SLC22A3: variants seen among roughly 807,000 people sequenced by gnomAD.
The protein encoded by SLC22A3 is solute carrier family 22 member 3, also known as EMT organic cation transporter 3.
A neutral mutation model predicts 59.1 loss-of-function variants in SLC22A3; 51 were observed. The observed-to-expected ratio is 0.86, with a 90% confidence interval of 0.69 to 1.09. SLC22A3 has a LOEUF of 1.09. SLC22A3 is among the 50% of genes least tolerant of loss of function. The pLI is 0.00. For synonymous variants in SLC22A3, 325 were observed against 292.0 expected (o/e 1.11, Z -1.15); for missense variants, 711 against 726.3 (o/e 0.98, Z 0.24).
intron 1 of SLC22A3, among the ~76,000 whole-genome samples, chr6:160,349,593 G>A (rs1784595040): frequency 6.6e-6 from 1 of 152,156 alleles, no homozygotes; most frequent in African/African-American, 2.4e-5. Flanking sequence ...GGGCGGGGGC[G>A]ATCCCCACAT....
intron 1 of SLC22A3, among the ~76,000 whole-genome samples, chr6:160,357,237 G>T (rs1054199063): frequency 6.6e-6 from 1 of 152,296 alleles, no homozygotes; most frequent in Middle Eastern, 3.4e-3. Context: ...CTGCTATAGG[G>T]CACCAGCAGT....
chr6:160,401,510 T>A (rs1786781228), intron 2 of SLC22A3, among the ~76,000 whole-genome samples: 1 of 150,722 alleles, frequency 6.6e-6, no homozygotes, highest in Non-Finnish European at 1.5e-5. Flanking sequence ...TTGAGGGAAT[T>A]TGATGCCTTG....
chr6:160,363,743 G>A (rs1428519713), intron 1 of SLC22A3, among the ~76,000 whole-genome samples: 2 of 152,096 alleles, frequency 1.3e-5, no homozygotes, highest in African/African-American at 4.8e-5. Flanking sequence ...CGCCTGAAGG[G>A]GCAGCCCCAT....
chr6:160,397,754 G>A (rs1268744035), intron 1 of SLC22A3, among the ~76,000 whole-genome samples: 5 of 149,458 alleles, frequency 3.3e-5, no homozygotes, highest in Middle Eastern at 3.5e-3. Flanking sequence ...AAAAAAGAAC[G>A]ATGTTATAAC....
At chr6:160,383,805 T>A (rs201543464) in intron 1 of SLC22A3, among the ~76,000 whole-genome samples, 38 of 150,620 alleles carry the variant, frequency 2.5e-4, no homozygotes, top group Admixed American at 6.6e-4. Flanking sequence ...CAAAAAAAAA[T>A]ATATAAATAA....
intron 5 of SLC22A3, among the ~76,000 whole-genome samples, chr6:160,422,827 C>A (rs528046150): frequency 2.6e-4 from 39 of 151,662 alleles, no homozygotes; most frequent in African/African-American, 9.2e-4. Flanking sequence ...AACTATGTCA[C>A]CTTCTTTTTT....
chr6:160,442,716 A>T, intron 7 of SLC22A3, 45 bp from the exon 8 acceptor site: 1 of 1,397,646 alleles, frequency 7.2e-7, no homozygotes. Context: ...ATGTTAATGA[A>T]ATCAGACCCC....
intron 2 of SLC22A3, among the ~76,000 whole-genome samples, chr6:160,401,085 T>C (rs1786763506): frequency 7.0e-6 from 1 of 142,036 alleles, no homozygotes; most frequent in South Asian, 2.2e-4. Flanking sequence ...AAAGATATAA[T>C]ATATGTGTAA....
chr6:160,351,404 C>T (rs1410521362), intron 1 of SLC22A3, among the ~76,000 whole-genome samples: 2 of 152,190 alleles, frequency 1.3e-5, no homozygotes, highest in Non-Finnish European at 2.9e-5. Context: ...TGTGAGCCAC[C>T]GCGCCCAGCC....
intron 1 of SLC22A3, among the ~76,000 whole-genome samples, chr6:160,367,141 AG>A (rs1785233539): frequency 3.3e-5 from 5 of 152,224 alleles, no homozygotes; most frequent in African/African-American, 1.2e-4. Context: ...TAAAGGAAAC[AG>A]GTTTAATTGA....
chr6:160,400,788 A>G (rs1786741537), intron 2 of SLC22A3, among the ~76,000 whole-genome samples: 1 of 152,112 alleles, frequency 6.6e-6, no homozygotes, highest in African/African-American at 2.4e-5. Flanking sequence ...TGATGCATAA[A>G]GTAGCATGCA....
At chr6:160,416,718 T>G (rs933217775) in intron 5 of SLC22A3, among the ~76,000 whole-genome samples, 4 of 152,242 alleles carry the variant, frequency 2.6e-5, no homozygotes, top group Non-Finnish European at 4.4e-5. Flanking sequence ...TGCTTGTTAC[T>G]TGTAGTGCCC....
At chr6:160,366,690 C>T (rs1408069280) in intron 1 of SLC22A3, among the ~76,000 whole-genome samples, 2 of 152,220 alleles carry the variant, frequency 1.3e-5, no homozygotes, top group African/African-American at 2.4e-5. Context: ...GCCTGGACAT[C>T]CATGTGTTTC....
chr6:160,357,149 GC>G (rs949892213), intron 1 of SLC22A3, among the ~76,000 whole-genome samples: 8 of 152,206 alleles, frequency 5.3e-5, no homozygotes, highest in Non-Finnish European at 7.3e-5. Context: ...GTAGGCACAA[GC>G]CTGGACCTGA....
At chr6:160,390,220 A>T (rs1344594464) in intron 1 of SLC22A3, among the ~76,000 whole-genome samples, 1 of 151,756 alleles carries the variant, frequency 6.6e-6, no homozygotes, top group South Asian at 2.1e-4. Context: ...GCCTGGGGCA[A>T]AAGCTTATAT....
intron 1 of SLC22A3, among the ~76,000 whole-genome samples, chr6:160,385,737 C>T (rs1394604323): frequency 6.6e-6 from 1 of 152,214 alleles, no homozygotes; most frequent in East Asian, 1.9e-4. Context: ...TAAATCCTTG[C>T]TTACCTCCCT....
At chr6:160,355,773 A>AAACAAC (rs572407293) in intron 1 of SLC22A3, among the ~76,000 whole-genome samples, 21 of 151,418 alleles carry the variant, frequency 1.4e-4, no homozygotes, top group Non-Finnish European at 2.7e-4. Flanking sequence ...CTCTGTCTCA[A>AAACAAC]AACAACAACA....
chr6:160,434,249 A>G (rs1472592927), intron 5 of SLC22A3, among the ~76,000 whole-genome samples: 2 of 152,244 alleles, frequency 1.3e-5, no homozygotes, highest in East Asian at 3.8e-4. Flanking sequence ...CAATGTTTTA[A>G]TTAAAGATTC....
At chr6:160,386,723 C>A (rs1484719206) in intron 1 of SLC22A3, among the ~76,000 whole-genome samples, 7 of 152,240 alleles carry the variant, frequency 4.6e-5, no homozygotes, top group Non-Finnish European at 8.8e-5. Flanking sequence ...GCCAGGGCAC[C>A]TGCTCTCCAA....
Sources: allele counts gnomAD v4.1 joint callset (sites outside exome capture counted in the v4.1 genomes callset), GRCh38; gene constraint gnomAD v4.1.1; transcripts MANE v1.5; gene names NCBI Gene and HGNC (gene_info 2026-07-23, HGNC 2026-07-21).